Variants in CSMD3 observed in about 807,000 individuals in gnomAD.
The protein encoded by CSMD3 is CUB and Sushi multiple domains 3.
In CSMD3, 177 loss-of-function variants were observed where a neutral mutation model predicts 435.2. The observed-to-expected ratio is 0.41, with a 90% confidence interval of 0.36 to 0.46. The LOEUF (loss-of-function observed/expected upper bound fraction) is 0.46. CSMD3 is among the 20% of genes least tolerant of loss of function. The pLI, the probability that CSMD3 is intolerant of heterozygous loss-of-function variation, is 0.34. For synonymous variants in CSMD3, 1,656 were observed against 1,520.5 expected (o/e 1.09, Z -2.07); for missense variants, 4,265 against 4,504.6 (o/e 0.95, Z 1.52).
At chr8:112,429,331 A>G (rs1813414899) in intron 32 of CSMD3, among the ~76,000 whole-genome samples, 1 of 152,012 alleles carries the variant, frequency 6.6e-6, no homozygotes, top group Non-Finnish European at 1.5e-5. Context: ...ACTTAACATA[A>G]TATCTTTCAA....
At chr8:112,682,925 A>C (rs1016066046) in intron 15 of CSMD3, among the ~76,000 whole-genome samples, 5 of 152,132 alleles carry the variant, frequency 3.3e-5, no homozygotes, top group African/African-American at 1.2e-4. Context: ...CCATGAGACT[A>C]GCTAAGATTA....
At position 112,641,219 on chromosome 8, in the gene CSMD3, T is replaced by C. The variant is rs201934583; in HGVS notation, c.3311-2308A>G. ...GGCCAGCCGCTTTGTAAAAAGAAGC[T>C]GCTGTTCATCAAGTCATGGATTAAA... On this transcript the variant is annotated intron_variant, in intron 20 of 70. Coordinates refer to ENST00000297405, the MANE Select transcript of CSMD3 (RefSeq NM_198123.2). Among the ~76,000 whole-genome samples the C allele has an allele frequency of 3.3e-5, 5 of 152,176 alleles. No individual in the cohort carries two copies. The East Asian group carries it at 9.6e-4, about 29-fold the overall frequency.
chr8:112,565,068 T>C (rs1563709867), intron 24 of CSMD3, among the ~76,000 whole-genome samples: 1 of 152,120 alleles, frequency 6.6e-6, no homozygotes, highest in African/African-American at 2.4e-5. Context: ...TATTCTAGTA[T>C]GAAGAAATTT....
At chr8:112,790,136 T>C (rs1382602582) in intron 13 of CSMD3, among the ~76,000 whole-genome samples, 4 of 151,950 alleles carry the variant, frequency 2.6e-5, no homozygotes, top group Non-Finnish European at 5.9e-5. Context: ...TGATGTATAG[T>C]ATAGGATCTC....
intron 32 of CSMD3, among the ~76,000 whole-genome samples, chr8:112,416,835 C>A (rs1811966031): frequency 6.6e-6 from 1 of 151,544 alleles, no homozygotes; most frequent in African/African-American, 2.4e-5. Context: ...TAGACTGGGG[C>A]ATGGTTAAGG....
At chr8:112,670,573 T>C (rs1477010750) in intron 16 of CSMD3, among the ~76,000 whole-genome samples, 2 of 152,168 alleles carry the variant, frequency 1.3e-5, no homozygotes, top group African/African-American at 4.8e-5. Flanking sequence ...ATAGGCAGAA[T>C]ATACAAGGTA....
At chr8:112,989,455 A>G (rs902230254) in intron 6 of CSMD3, among the ~76,000 whole-genome samples, 1 of 152,054 alleles carries the variant, frequency 6.6e-6, no homozygotes, top group Non-Finnish European at 1.5e-5. Context: ...TTCAATGAAT[A>G]CTACATACTG....
chr8:112,599,992 ACATGTACC>A (rs1832173036), intron 22 of CSMD3, among the ~76,000 whole-genome samples: 1 of 151,320 alleles, frequency 6.6e-6, no homozygotes, highest in African/African-American at 2.4e-5. Context: ...CACAATGTGC[ACATGTACC>A]CTAAAACTTA....
chr8:113,089,725 G>C (rs919303083), intron 5 of CSMD3, among the ~76,000 whole-genome samples: 2 of 152,038 alleles, frequency 1.3e-5, no homozygotes, highest in African/African-American at 4.8e-5. Context: ...TGTGTCACTT[G>C]CCTTTCTTTA....
chr8:112,626,341 TG>T (rs1161232988), intron 22 of CSMD3, among the ~76,000 whole-genome samples: 1 of 152,118 alleles, frequency 6.6e-6, no homozygotes, highest in African/African-American at 2.4e-5. Context: ...AATGTCCTTT[TG>T]TCTGTTTTCA....
chr8:112,637,781 A>G (rs1302650369), intron 21 of CSMD3, among the ~76,000 whole-genome samples: 1 of 152,118 alleles, frequency 6.6e-6, no homozygotes. Context: ...ATGCTTTAAA[A>G]AAATTACTTG....
chr8:112,398,520 C>A (rs1323128136), intron 35 of CSMD3, among the ~76,000 whole-genome samples: 2 of 152,184 alleles, frequency 1.3e-5, no homozygotes, highest in Non-Finnish European at 2.9e-5. Flanking sequence ...TTTGCCTGGG[C>A]AGAGAGGCTT....
intron 10 of CSMD3, among the ~76,000 whole-genome samples, chr8:112,881,135 C>A (rs2081436167): frequency 6.6e-6 from 1 of 151,898 alleles, no homozygotes; most frequent in African/African-American, 2.4e-5. Context: ...TGAACCAGGC[C>A]CTCCTTCATG....
At chr8:112,691,781 T>A (rs2076142556) in intron 13 of CSMD3, among the ~76,000 whole-genome samples, 1 of 151,972 alleles carries the variant, frequency 6.6e-6, no homozygotes, top group Admixed American at 6.6e-5. Context: ...GTTGATAAAT[T>A]GTTTTTTTGT....
chr8:112,384,709 T>C (rs774231439), intron 36 of CSMD3, among the ~76,000 whole-genome samples: 1 of 152,184 alleles, frequency 6.6e-6, no homozygotes, highest in Non-Finnish European at 1.5e-5. Flanking sequence ...TTTCCAGGGG[T>C]GAGTGCCACA....
chr8:112,288,461 C>G (rs1029283553), intron 57 of CSMD3, among the ~76,000 whole-genome samples: 1 of 151,894 alleles, frequency 6.6e-6, no homozygotes, highest in East Asian at 1.9e-4. Flanking sequence ...GGATTAATCA[C>G]TAGTTAAAAG....
chr8:112,559,274 T>C (rs896277486), intron 24 of CSMD3, among the ~76,000 whole-genome samples: 2 of 151,908 alleles, frequency 1.3e-5, no homozygotes, highest in African/African-American at 2.4e-5. Flanking sequence ...AAGTTTGAGA[T>C]ATGGGAGATT....
chr8:113,273,120 C>T (rs970385088), intron 3 of CSMD3, among the ~76,000 whole-genome samples: 2 of 150,918 alleles, frequency 1.3e-5, no homozygotes, highest in African/African-American at 2.4e-5. Flanking sequence ...CCACATATAC[C>T]CTATAAATAT....
At chr8:112,988,071 G>A (rs1427283466) in intron 6 of CSMD3, among the ~76,000 whole-genome samples, 3 of 151,936 alleles carry the variant, frequency 2.0e-5, no homozygotes, top group African/African-American at 4.8e-5. Context: ...AAAGAAGAGG[G>A]TCATCTGCCT....
Sources: allele counts gnomAD v4.1 joint callset (sites outside exome capture counted in the v4.1 genomes callset), GRCh38; gene constraint gnomAD v4.1.1; transcripts MANE v1.5; gene names NCBI Gene and HGNC (gene_info 2026-07-23, HGNC 2026-07-21).